Variants in PRKCA observed in about 807,000 individuals in gnomAD.
PRKCA encodes protein kinase C alpha type.
A neutral mutation model predicts 87.0 loss-of-function variants in PRKCA; 27 were observed. That is an observed-to-expected ratio of 0.31 (90% CI 0.23 to 0.43). The LOEUF (loss-of-function observed/expected upper bound fraction) is 0.43. PRKCA is among the 20% of genes least tolerant of loss of function. PRKCA has a pLI of 1.00. For missense variants in PRKCA, 518 were observed against 852.3 expected (o/e 0.61, Z 4.88); for synonymous variants, 329 against 311.1 (o/e 1.06, Z -0.61).
chr17:66,719,660 A>G lies in PRKCA; in HGVS notation c.919-13028A>G, dbSNP rs565278913. ...CATGTTCCTGTAATCCCAGCTACTCAGGAGGCTGAGGTGCGAGAATCGCTT... is the reference window on the plus strand; with the variant it reads ...CATGTTCCTGTAATCCCAGCTACTCGGGAGGCTGAGGTGCGAGAATCGCTT... On this transcript the variant is annotated intron_variant, in intron 8 of 16. Transcript: ENST00000413366. Among the ~76,000 whole-genome samples the G allele has an allele frequency of 1.6e-3, 248 of 152,322 alleles. 2 individuals carry two copies. The highest frequency in any genetic ancestry group is 5.6e-3 in the African/African-American group (231 of 41,568).
intron 2 of PRKCA, among the ~76,000 whole-genome samples, chr17:66,434,152 T>C (rs1362849721): frequency 6.6e-6 from 1 of 151,908 alleles, no homozygotes; most frequent in Admixed American, 6.6e-5. Context: ...GCAGGAACTC[T>C]TGGGCAAATG....
intron 2 of PRKCA, among the ~76,000 whole-genome samples, chr17:66,461,869 T>TTGAGGAGGAGACTGGGGTTCCTAACTAC (rs1567841441): frequency 5.9e-5 from 8 of 135,968 alleles, no homozygotes; most frequent in East Asian, 1.9e-4. Flanking sequence ...TTCCTAACTA[T>TTGAGGAGGAGACTGGGGTTCCTAACTAC]CGAGGAGGAG....
intron 3 of PRKCA, among the ~76,000 whole-genome samples, chr17:66,622,041 A>AAACAAC (rs111914315): frequency 0.018 from 2,769 of 151,700 alleles, 47 homozygotes; most frequent in Non-Finnish European, 0.028. Context: ...ATCCATTTAA[A>AAACAAC]AACAACAACA....
At chr17:66,546,818 G>T (rs1320400947) in intron 3 of PRKCA, among the ~76,000 whole-genome samples, 1 of 152,044 alleles carries the variant, frequency 6.6e-6, no homozygotes, top group Non-Finnish European at 1.5e-5. Flanking sequence ...GTTTTGTTTT[G>T]TTTGTGGTTG....
At chr17:66,442,484 A>T (rs1339114170) in intron 2 of PRKCA, among the ~76,000 whole-genome samples, 2 of 151,286 alleles carry the variant, frequency 1.3e-5, no homozygotes, top group African/African-American at 4.9e-5. Flanking sequence ...GCTCCACCCC[A>T]CGCTTTCTGC....
chr17:66,509,197 T>C (rs1917115714), intron 3 of PRKCA, among the ~76,000 whole-genome samples: 1 of 151,610 alleles, frequency 6.6e-6, no homozygotes, highest in Non-Finnish European at 1.5e-5. Context: ...TGTGTGTGTG[T>C]GTGTGTGTGT....
chr17:66,317,731 A>G (rs1261510108), intron 2 of PRKCA, among the ~76,000 whole-genome samples: 6 of 152,214 alleles, frequency 3.9e-5, no homozygotes, highest in African/African-American at 1.4e-4. Flanking sequence ...TCACAGTTGT[A>G]AAGACTTCCA....
At chr17:66,428,721 C>G (rs902546392) in intron 2 of PRKCA, among the ~76,000 whole-genome samples, 1 of 152,072 alleles carries the variant, frequency 6.6e-6, no homozygotes, top group South Asian at 2.1e-4. Context: ...TCAGGCTGGT[C>G]TCGAACTCCT....
At chr17:66,464,353 T>G (rs1311962890) in intron 2 of PRKCA, among the ~76,000 whole-genome samples, 1 of 152,204 alleles carries the variant, frequency 6.6e-6, no homozygotes, top group African/African-American at 2.4e-5. Context: ...GTGCAGGTTT[T>G]CATACATTTT....
intron 2 of PRKCA, among the ~76,000 whole-genome samples, chr17:66,442,583 C>A (rs34337450): frequency 3.9e-5 from 6 of 152,136 alleles, no homozygotes; most frequent in African/African-American, 1.2e-4. Context: ...ATCAGCTGCC[C>A]TGCGTCTCCA....
chr17:66,677,472 G>A (rs965850243), intron 5 of PRKCA: 1 of 152,246 alleles, frequency 6.6e-6, no homozygotes, highest in Non-Finnish European at 1.5e-5. Context: ...GACCTGAATA[G>A]TGGCAGTAGA....
chr17:66,475,496 G>T (rs987407522), intron 2 of PRKCA, among the ~76,000 whole-genome samples: 3 of 152,104 alleles, frequency 2.0e-5, no homozygotes, highest in Non-Finnish European at 4.4e-5. Context: ...TCCAGTTTTG[G>T]ATTTTCCTGT....
chr17:66,780,977 C>T (rs535096116), intron 14 of PRKCA, among the ~76,000 whole-genome samples: 2 of 151,328 alleles, frequency 1.3e-5, no homozygotes, highest in East Asian at 2.0e-4. Context: ...GGCGTGGTGA[C>T]GTGCACCTGT....
intron 3 of PRKCA, among the ~76,000 whole-genome samples, chr17:66,508,939 G>A (rs1917096556): frequency 6.6e-6 from 1 of 152,202 alleles, no homozygotes; most frequent in South Asian, 2.1e-4. Context: ...CTCACTGGCT[G>A]TTAGCTGTGG....
At chr17:66,738,704 G>A in intron 10 of PRKCA, 60 bp from the exon 11 acceptor site, 1 of 1,375,196 alleles carries the variant, frequency 7.3e-7, no homozygotes, top group Admixed American at 1.7e-5. Flanking sequence ...CCTGTGAAGA[G>A]CAAAGGAAGC....
At chr17:66,682,286 G>C (rs1459134127) in intron 5 of PRKCA, among the ~76,000 whole-genome samples, 1 of 152,136 alleles carries the variant, frequency 6.6e-6, no homozygotes, top group Non-Finnish European at 1.5e-5. Context: ...CTCAGTGCCG[G>C]GCTTGACAGC....
chr17:66,541,023 C>G (rs1461180763), intron 3 of PRKCA, among the ~76,000 whole-genome samples: 1 of 152,146 alleles, frequency 6.6e-6, no homozygotes, highest in Admixed American at 6.5e-5. Context: ...CTGTTACTAG[C>G]TGTTTCCACT....
chr17:66,414,901 G>C (rs1244048317), intron 2 of PRKCA: 1 of 152,070 alleles, frequency 6.6e-6, no homozygotes, highest in African/African-American at 2.4e-5. Flanking sequence ...TTAGTGACAT[G>C]ATGTTAAGAA....
chr17:66,450,359 C>T (rs1914249405), intron 2 of PRKCA, among the ~76,000 whole-genome samples: 1 of 152,148 alleles, frequency 6.6e-6, no homozygotes, highest in African/African-American at 2.4e-5. Flanking sequence ...GGCAATGGTA[C>T]CGCAGAGGGG....
Sources: allele counts gnomAD v4.1 joint callset (sites outside exome capture counted in the v4.1 genomes callset), GRCh38; gene constraint gnomAD v4.1.1; transcripts MANE v1.5; gene names NCBI Gene and HGNC (gene_info 2026-07-23, HGNC 2026-07-21).